Variants in KMT2E observed in about 807,000 individuals in gnomAD.
KMT2E encodes histone reader KMT2E.
In KMT2E, 30 loss-of-function variants were observed where a neutral mutation model predicts 184.6. The ratio of observed to expected loss-of-function variants is 0.16; its 90% CI spans 0.12 to 0.22. The LOEUF (loss-of-function observed/expected upper bound fraction) is 0.22. Ranked by LOEUF, KMT2E falls within the 10% of genes least tolerant of loss-of-function variation. The probability of loss-of-function intolerance (pLI) is 1.00; values close to 1 mark genes in which losing one functional copy is unlikely to be tolerated. For missense variants in KMT2E, 2,023 were observed against 2,237.4 expected, an observed-to-expected ratio of 0.90 and a Z score of 1.93; for synonymous variants, 815 against 776.5, an observed-to-expected ratio of 1.05 and a Z score of -0.82.
chr7:105,098,905 C>A (rs1451927219), intron 15 of KMT2E, among the ~76,000 whole-genome samples: 1 of 152,116 alleles, frequency 6.6e-6, no homozygotes, highest in Non-Finnish European at 1.5e-5. Context: ...TATGGAAAGT[C>A]TGCAGGGGTT....
intron 1 of KMT2E, among the ~76,000 whole-genome samples, chr7:105,032,547 G>T (rs180970106): frequency 1.4e-4 from 22 of 152,192 alleles, no homozygotes; most frequent in African/African-American, 5.3e-4. Flanking sequence ...TGTTCCCCAC[G>T]CTGGAGTACA....
At chr7:105,093,750 T>C (rs1344108914) in intron 15 of KMT2E, among the ~76,000 whole-genome samples, 3 of 152,174 alleles carry the variant, frequency 2.0e-5, no homozygotes, top group African/African-American at 7.2e-5. Context: ...TATATGTATA[T>C]TGGCTTACTT....
At chr7:105,080,730 G>T (rs1797730225) in intron 12 of KMT2E, among the ~76,000 whole-genome samples, 2 of 152,172 alleles carry the variant, frequency 1.3e-5, no homozygotes, top group African/African-American at 2.4e-5. Flanking sequence ...ACCTAAGAAG[G>T]CCAGGCACAG....
chr7:105,052,201 TTTG>T (rs1265571067), intron 3 of KMT2E, among the ~76,000 whole-genome samples: 2 of 152,194 alleles, frequency 1.3e-5, no homozygotes, highest in African/African-American at 4.8e-5. Context: ...ATATTGATTT[TTTG>T]TTGTTGTTCT....
At chr7:105,043,870 C>A (rs372718001) in intron 3 of KMT2E, among the ~76,000 whole-genome samples, 3 of 152,138 alleles carry the variant, frequency 2.0e-5, no homozygotes, top group Admixed American at 6.5e-5. Flanking sequence ...GCAGGCAGAT[C>A]GCTTGAGCCC....
chr7:105,078,988 G>A, intron 12 of KMT2E, 25 bp downstream of exon 12: 1 of 1,288,422 alleles, frequency 7.8e-7, no homozygotes, highest in Non-Finnish European at 1.1e-6. Context: ...ATTTTTTGGG[G>A]AGATGTGGGT....
rs1049531895 is a variant in KMT2E at position 105,105,623 on chromosome 7, C to T, written c.2381C>T (p.Thr794Ile). Residue 794 changes from threonine (T) to isoleucine (I), a missense_variant, in exon 18 of 27, where the codon ACT becomes ATT. Thr to Ile is a moderately conservative substitution (Grantham distance 89). Transcript: ENST00000311117. ...YSTPKHYIRF[T>I]SPFLSEKRRR... ...ACTCCTAAGCATTATATTAGATTTACTTCACCATTCCTTTCAGAAAAAAGG... is the reference window on the plus strand; with the variant it reads ...ACTCCTAAGCATTATATTAGATTTATTTCACCATTCCTTTCAGAAAAAAGG... 5 of 1,612,638 alleles carry T rather than the reference C, an allele frequency of 3.1e-6. No individual in the cohort carries two copies. Among genetic ancestry groups the T allele is most frequent in the Non-Finnish European group, 4.2e-6 (5 of 1,179,376 alleles).
chr7:105,089,598 T>G (rs183612535), intron 13 of KMT2E, among the ~76,000 whole-genome samples: 144 of 152,292 alleles, frequency 9.5e-4, no homozygotes, highest in Non-Finnish European at 1.6e-3. Context: ...GGCACAGAAT[T>G]AGTAAATATA....
chr7:105,014,958 A>G (rs139846303), intron 1 of KMT2E, among the ~76,000 whole-genome samples: 100 of 152,228 alleles, frequency 6.6e-4, no homozygotes, highest in African/African-American at 2.4e-3. Flanking sequence ...GAAAAGCCAT[A>G]TAGGCCCCAT....
At chr7:105,103,799 T>C (rs1188907505) in intron 17 of KMT2E, 1 of 151,738 alleles carries the variant, frequency 6.6e-6, no homozygotes, top group African/African-American at 2.4e-5. Context: ...CACATTTATA[T>C]ATACTAAGTT....
In KMT2E at chr7:105,108,857, T is replaced by C. The variant is rs1799036653; in HGVS notation, c.3469-85T>C. Reference sequence around the variant, plus strand: ...ATTTTCCTAATGTAAATATAGTAATTCTCTTTAGACAAAAAAGAATGCATT... The same window carrying C: ...ATTTTCCTAATGTAAATATAGTAATCCTCTTTAGACAAAAAAGAATGCATT... On this transcript the variant is annotated intron_variant, in intron 22 of 26. Coordinates refer to ENST00000311117, the MANE Select transcript of KMT2E (RefSeq NM_182931.3). 3 of 1,141,844 alleles carry C rather than the reference T, an allele frequency of 2.6e-6. No individual in the cohort carries two copies. In the East Asian group the frequency reaches 7.8e-5, roughly 30 times the overall value. The allele number at this position is 1,141,844 out of a possible 1,614,324, so 70.7% of individuals were successfully genotyped here.
At chr7:105,056,701 A>G (rs1342647088) in intron 3 of KMT2E, among the ~76,000 whole-genome samples, 1 of 152,228 alleles carries the variant, frequency 6.6e-6, no homozygotes, top group Non-Finnish European at 1.5e-5. Context: ...TTATAAAACA[A>G]TTTTTAAGGA....
intron 1 of KMT2E, among the ~76,000 whole-genome samples, chr7:105,017,757 T>C (rs925474177): frequency 3.3e-5 from 5 of 152,172 alleles, no homozygotes; most frequent in Non-Finnish European, 7.4e-5. Flanking sequence ...TATAATGTAA[T>C]TGGAGAGTTA....
intron 1 of KMT2E, among the ~76,000 whole-genome samples, chr7:105,030,172 G>A (rs531137023): frequency 1.1e-4 from 17 of 152,308 alleles, no homozygotes; most frequent in South Asian, 6.2e-4. Context: ...AAGAAGGGAA[G>A]ACATTAGTGT....
rs1799339001 is a variant in KMT2E, at chr7:105,112,361, C to T, written c.4605C>T (p.Asn1535=). ...GQSSATYSQF[N]QQSLNSTAPP... ...CTTCAGCAACATACAGTCAGTTTAA[C>T]CAACAAAGTCTGAACAGCACGGCAC... is the stretch of plus-strand genomic sequence containing the variant. The change falls in exon 27 of 27, where the codon AAC becomes AAT. Residue 1535 remains asparagine, a synonymous_variant. Coordinates refer to ENST00000311117, the MANE Select transcript of KMT2E (RefSeq NM_182931.3). 1 of 1,613,162 alleles carries T rather than the reference C, an allele frequency of 6.2e-7. No individual in the cohort carries two copies. Among genetic ancestry groups the T allele is most frequent in the African/African-American group, 1.3e-5 (1 of 75,038 alleles).
Position 105,101,834 on chromosome 7 carries a change from A to G in KMT2E, c.1888-52A>G, listed in dbSNP as rs1798668818. ...AGTAGAATAATGCTATTATATTTAA[A>G]CTTTATATATATGTAGTATAAAAAC... is the stretch of plus-strand genomic sequence containing the variant. On this transcript the variant is annotated intron_variant, in intron 16 of 26. Transcript: ENST00000311117. 2.9e-6 allele frequency: 4 copies of G among 1,361,612 alleles called. No homozygotes were observed. The South Asian group carries it at 4.2e-5, about 14-fold the overall frequency. 84.3% of individuals were successfully genotyped at this position (1,361,612 alleles called of 1,614,324 possible). A position where few individuals can be genotyped will look rare whatever the true frequency, so the allele number is the denominator to read the frequency against.
intron 1 of KMT2E, among the ~76,000 whole-genome samples, chr7:105,029,710 G>A (rs567366652): frequency 1.1e-4 from 17 of 152,118 alleles, no homozygotes; most frequent in Middle Eastern, 3.4e-3. Context: ...AAGAAGATGT[G>A]TGGAAAAGAA....
chr7:105,105,830 T>C, intron 18 of KMT2E, 29 bp from the exon 19 acceptor site: 1 of 1,598,330 alleles, frequency 6.3e-7, no homozygotes, highest in Non-Finnish European at 8.5e-7. Flanking sequence ...AAGTGATTCC[T>C]GTTCATTCAT....
Position 105,113,218 on chromosome 7 carries a change from C to G in KMT2E, c.5462C>G (p.Pro1821Arg), listed in dbSNP as rs1799408425. The G allele has an allele frequency of 6.2e-7, 1 of 1,614,112 alleles. No homozygotes were observed. The highest frequency in any genetic ancestry group is 8.5e-7 in the Non-Finnish European group (1 of 1,180,044). Residue 1821 changes from proline to arginine, a missense_variant, in exon 27 of 27, where the codon CCA becomes CGA. Coordinates refer to ENST00000311117, the MANE Select transcript of KMT2E (RefSeq NM_182931.3). ...FCPHPGSVAL[P>R]HGVQGPQQAS... ...CCTCATCCTGGCTCTGTGGCCCTGC[C>G]ACATGGGGTTCAAGGACCTCAGCAG... is the stretch of plus-strand genomic sequence containing the variant.
Sources: gnomAD v4.1 joint callset for allele counts (sites outside exome capture counted in the v4.1 genomes callset) on GRCh38, gnomAD v4.1.1 for gene constraint, MANE v1.5 for transcripts, NCBI Gene and HGNC (gene_info 2026-07-23, HGNC 2026-07-21) for gene names.